The following RALGAPA1 variants were observed in gnomAD, a reference collection of about 807,000 sequenced individuals.
The protein encoded by RALGAPA1 is Ral GTPase activating protein catalytic subunit alpha 1.
RALGAPA1 carries 52 observed loss-of-function variants against 269.6 expected under a neutral mutation model. The observed-to-expected ratio is 0.19, with a 90% CI of 0.15 to 0.24. The LOEUF is 0.24. Among genes scored for constraint, RALGAPA1 ranks in the 10% least tolerant of loss-of-function variants. The pLI, the probability that RALGAPA1 is intolerant of heterozygous loss-of-function variation, is 1.00. For synonymous variants in RALGAPA1, 817 were observed against 1,008.3 expected (o/e 0.81, Z 3.60); for missense variants, 1,917 against 3,013.9 (o/e 0.64, Z 8.52).
chr14:35,667,872 C>T (rs542395707), intron 26 of RALGAPA1, among the ~76,000 whole-genome samples: 1 of 152,328 alleles, frequency 6.6e-6, no homozygotes, highest in East Asian at 1.9e-4. Flanking sequence ...TTACCACACA[C>T]TATTCACAAC....
chr14:35,539,773 C>A, intron 41 of RALGAPA1, 83 bp from the exon 42 acceptor site: 1 of 1,546,026 alleles, frequency 6.5e-7, no homozygotes, highest in Non-Finnish European at 8.7e-7. Flanking sequence ...TAATCTGCAG[C>A]AAGGATCCCA....
At chr14:35,768,478 C>T (rs1030707265) in intron 4 of RALGAPA1, among the ~76,000 whole-genome samples, 93 of 151,860 alleles carry the variant, frequency 6.1e-4, no homozygotes, top group Non-Finnish European at 3.7e-4. Context: ...TGGCTTGAAG[C>T]CGGAGGTTTG....
intron 37 of RALGAPA1, among the ~76,000 whole-genome samples, chr14:35,578,408 CT>C (rs1264712960): frequency 6.6e-6 from 1 of 152,178 alleles, no homozygotes; most frequent in Non-Finnish European, 1.5e-5. Context: ...AGTTCCCATT[CT>C]TTCCCCCATC....
At chr14:35,616,242 T>C (rs1356182440) in intron 35 of RALGAPA1, among the ~76,000 whole-genome samples, 1 of 151,774 alleles carries the variant, frequency 6.6e-6, no homozygotes, top group Non-Finnish European at 1.5e-5. Context: ...GAAATGATAG[T>C]AGAGAGGCAG....
intron 12 of RALGAPA1, among the ~76,000 whole-genome samples, chr14:35,728,876 G>C (rs1405223551): frequency 6.6e-6 from 1 of 151,862 alleles, no homozygotes; most frequent in Admixed American, 6.6e-5. Context: ...GGGATTACAG[G>C]CATGTGTGCC....
chr14:35,661,551 A>G (rs1439881198), intron 27 of RALGAPA1, among the ~76,000 whole-genome samples: 2 of 152,162 alleles, frequency 1.3e-5, no homozygotes, highest in Non-Finnish European at 2.9e-5. Flanking sequence ...GGACAGAAAC[A>G]TCAACAGGGT....
chr14:35,750,623 T>G lies in RALGAPA1; in HGVS notation c.870A>C (p.Ala290=). Residue 290 remains alanine (A), a synonymous_variant, in exon 9 of 42, where the codon GCA becomes GCC. Coordinates refer to ENST00000680220, the MANE Select transcript of RALGAPA1 (RefSeq NM_001346249.2). ...TGAAAGGCTCCTTTGTACAATAGATTGCTTCATTGGTTTCAGCATCTTTCT... is the reference window on the plus strand; with the variant it reads ...TGAAAGGCTCCTTTGTACAATAGATGGCTTCATTGGTTTCAGCATCTTTCT... The part of the protein sequence containing the change: ...VIKKDAETNE[A]IYCTKEPFIK... The G allele has an allele frequency of 1.2e-6, 2 of 1,613,474 alleles. No homozygotes were observed. Among genetic ancestry groups the G allele is most frequent in the Non-Finnish European group, 1.7e-6 (2 of 1,179,592 alleles).
At position 35,627,115 on chromosome 14, in the gene RALGAPA1, A is replaced by G. The variant is rs1242492735; in HGVS notation, c.6832T>C (p.Leu2278=). Residue 2278 remains leucine, a synonymous_variant, in exon 34 of 42, where the codon TTG becomes CTG. Transcript: ENST00000680220. ...FYYCRLLLSI[L]GMNSWDKRRS... is the part of the protein sequence containing the mutation. ...CGTTTGTCCCAGGAATTCATTCCCA[A>G]TATACTAAGAAGCAATCTGCAATAA... The G allele has an allele frequency of 6.4e-7, 1 of 1,552,114 alleles. No homozygotes were observed. The highest frequency in any genetic ancestry group is 8.6e-7 in the Non-Finnish European group (1 of 1,156,772).
chr14:35,584,984 A>G (rs1358195153), intron 37 of RALGAPA1, among the ~76,000 whole-genome samples: 1 of 152,226 alleles, frequency 6.6e-6, no homozygotes, highest in East Asian at 1.9e-4. Flanking sequence ...AAAAGTAAAA[A>G]GATATACCAT....
intron 21 of RALGAPA1, among the ~76,000 whole-genome samples, 155 bp from the exon 22 acceptor site, chr14:35,678,257 C>A (rs965955134): frequency 6.6e-6 from 1 of 152,112 alleles, no homozygotes; most frequent in African/African-American, 2.4e-5. Context: ...TAATATTATA[C>A]AAGCTTTTAT....
At chr14:35,746,644 A>G (rs1348289708) in intron 10 of RALGAPA1, among the ~76,000 whole-genome samples, 2 of 152,206 alleles carry the variant, frequency 1.3e-5, no homozygotes. Context: ...AACTTCAAGC[A>G]GAGGAAAGTG....
intron 36 of RALGAPA1, among the ~76,000 whole-genome samples, chr14:35,605,259 C>T (rs531577079): frequency 1.3e-5 from 2 of 152,226 alleles, no homozygotes; most frequent in East Asian, 1.9e-4. Flanking sequence ...CCCACACATT[C>T]CTGGAAAGCC....
At chr14:35,659,510 A>G (rs1304888773) in intron 27 of RALGAPA1, among the ~76,000 whole-genome samples, 1 of 152,090 alleles carries the variant, frequency 6.6e-6, no homozygotes, top group African/African-American at 2.4e-5. Context: ...TCAGAACCAG[A>G]TGGCTTCACC....
At chr14:35,765,666 T>C (rs2074083455) in intron 4 of RALGAPA1, 1 of 239,628 alleles carries the variant, frequency 4.2e-6, no homozygotes, top group African/African-American at 2.3e-5. Flanking sequence ...AGCTAATTTT[T>C]GTATTTTTTT....
chr14:35,596,557 C>CA (rs1236875741), intron 36 of RALGAPA1, among the ~76,000 whole-genome samples: 8 of 151,626 alleles, frequency 5.3e-5, no homozygotes, highest in Non-Finnish European at 8.8e-5. Flanking sequence ...TGGAGAATTA[C>CA]AAAAAAAATC....
At chr14:35,792,059 G>C (rs573862130) in intron 1 of RALGAPA1, among the ~76,000 whole-genome samples, 2 of 152,154 alleles carry the variant, frequency 1.3e-5, no homozygotes, top group Non-Finnish European at 2.9e-5. Flanking sequence ...GGGAGGCTAG[G>C]ATCAGATAAC....
chr14:35,630,078 T>A (rs2139659144), intron 33 of RALGAPA1, among the ~76,000 whole-genome samples: 1 of 152,304 alleles, frequency 6.6e-6, no homozygotes, highest in East Asian at 1.9e-4. Flanking sequence ...GCCTTCAAGA[T>A]TCAGAACCAA....
At chr14:35,703,277 G>C (rs983340462) in intron 16 of RALGAPA1, among the ~76,000 whole-genome samples, 5 of 152,174 alleles carry the variant, frequency 3.3e-5, no homozygotes, top group African/African-American at 7.2e-5. Flanking sequence ...TTTGAGACCT[G>C]CCTGGGCAAC....
intron 33 of RALGAPA1, among the ~76,000 whole-genome samples, chr14:35,630,267 A>G (rs1350503172): frequency 1.3e-5 from 2 of 152,004 alleles, no homozygotes; most frequent in East Asian, 3.9e-4. Flanking sequence ...AAATGTAAAT[A>G]TAAACATTTC....
Sources: gnomAD v4.1 joint callset for allele counts (sites outside exome capture counted in the v4.1 genomes callset) on GRCh38, gnomAD v4.1.1 for gene constraint, MANE v1.5 for transcripts, NCBI Gene and HGNC (gene_info 2026-07-23, HGNC 2026-07-21) for gene names.